The following IL1RAPL2 variants were observed in gnomAD, a reference collection of about 807,000 sequenced individuals.
IL1RAPL2 encodes the protein interleukin 1 receptor accessory protein like 2, also known as X-linked interleukin-1 receptor accessory protein-like 2.
A neutral mutation model predicts 44.1 loss-of-function variants in IL1RAPL2; 3 were observed. The observed-to-expected ratio is 0.07, with a 90% CI of 0.03 to 0.18. IL1RAPL2 has a LOEUF of 0.18. Among genes scored for constraint, IL1RAPL2 ranks in the 10% least tolerant of loss-of-function variants. The probability of loss-of-function intolerance (pLI) is 1.00; values close to 1 mark genes in which losing one functional copy is unlikely to be tolerated. For missense variants in IL1RAPL2, 391 were observed against 496.4 expected, an observed-to-expected ratio of 0.79 and a Z score of 2.02; for synonymous variants, 181 against 178.8, an observed-to-expected ratio of 1.01 and a Z score of -0.10.
intron 6 of IL1RAPL2, among the ~76,000 whole-genome samples, chrX:105,645,244 G>A (rs971056951): frequency 9.0e-6 from 1 of 111,223 alleles, no homozygotes; most frequent in African/African-American, 3.3e-5. Flanking sequence ...TGATTGTGTA[G>A]TTCAAGGCTG....
chrX:105,085,213 G>A (rs1276407493), intron 2 of IL1RAPL2, among the ~76,000 whole-genome samples: 1 of 111,958 alleles, frequency 8.9e-6, no homozygotes, highest in African/African-American at 3.2e-5. Flanking sequence ...TCTACACAGC[G>A]AAGGAAACAA....
chrX:105,235,762 T>C (rs1463912567), intron 4 of IL1RAPL2, among the ~76,000 whole-genome samples: 1 of 112,591 alleles, frequency 8.9e-6, no homozygotes, highest in Non-Finnish European at 1.9e-5. Context: ...TGCCATTCAT[T>C]GTAGCTAAAC....
At chrX:104,737,837 T>A (rs767996149) in intron 2 of IL1RAPL2, among the ~76,000 whole-genome samples, 24 of 112,124 alleles carry the variant, frequency 2.1e-4, no homozygotes, top group Admixed American at 2.0e-3. Flanking sequence ...TCTACAGCTA[T>A]CATTGCTCAT....
At chrX:105,268,867 T>C (rs1162265682) in intron 5 of IL1RAPL2, among the ~76,000 whole-genome samples, 1 of 111,043 alleles carries the variant, frequency 9.0e-6, no homozygotes, top group Non-Finnish European at 1.9e-5. Context: ...GAGATTGATA[T>C]GCTAATTTGT....
intron 2 of IL1RAPL2, among the ~76,000 whole-genome samples, chrX:104,700,920 A>G (rs1365188178): frequency 8.9e-6 from 1 of 111,981 alleles, no homozygotes; most frequent in South Asian, 3.8e-4. Flanking sequence ...AATAAGCCAA[A>G]TATCACCAAT....
intron 5 of IL1RAPL2, among the ~76,000 whole-genome samples, chrX:105,418,639 G>A (rs1168778029): frequency 9.0e-6 from 1 of 111,679 alleles, no homozygotes; most frequent in Non-Finnish European, 1.9e-5. Context: ...CACAGAATTA[G>A]AAGGCAGTAA....
intron 1 of IL1RAPL2, among the ~76,000 whole-genome samples, chrX:104,637,773 T>G (rs1035029048): frequency 5.4e-5 from 4 of 74,235 alleles, no homozygotes; most frequent in African/African-American, 2.8e-4. Flanking sequence ...CTGTAGTTTT[T>G]GTGTATGTGT....
At chrX:105,062,155 G>A (rs2032082609) in intron 2 of IL1RAPL2, among the ~76,000 whole-genome samples, 1 of 110,648 alleles carries the variant, frequency 9.0e-6, no homozygotes. Flanking sequence ...TTCTTTGGCA[G>A]CGTGATTTAA....
chrX:105,011,956 G>A (rs2031055820), intron 2 of IL1RAPL2, among the ~76,000 whole-genome samples: 1 of 111,134 alleles, frequency 9.0e-6, no homozygotes, highest in Non-Finnish European at 1.9e-5. Context: ...CCTTAAAGGA[G>A]CATTCCTCAA....
At chrX:104,986,424 A>C (rs1236280003) in intron 2 of IL1RAPL2, among the ~76,000 whole-genome samples, 1 of 112,542 alleles carries the variant, frequency 8.9e-6, no homozygotes, top group South Asian at 3.6e-4. Flanking sequence ...AGTAATTGAT[A>C]GCTTGATTAA....
chrX:105,593,952 T>C (rs887981122), intron 6 of IL1RAPL2, among the ~76,000 whole-genome samples: 1 of 112,176 alleles, frequency 8.9e-6, no homozygotes, highest in Non-Finnish European at 1.9e-5. Flanking sequence ...TCTACCTTAA[T>C]TGTACTATGG....
chrX:105,584,402 G>A (rs956283465), intron 6 of IL1RAPL2, among the ~76,000 whole-genome samples: 76 of 111,355 alleles, frequency 6.8e-4, no homozygotes, highest in African/African-American at 2.3e-3. Flanking sequence ...TATTTTGTGT[G>A]ATACTAATAT....
At chrX:105,396,641 A>G (rs2035565220) in intron 5 of IL1RAPL2, among the ~76,000 whole-genome samples, 1 of 106,787 alleles carries the variant, frequency 9.4e-6, no homozygotes, top group Admixed American at 1.0e-4. Flanking sequence ...TCAGGGTGAG[A>G]AGAGAACCAA....
intron 6 of IL1RAPL2, among the ~76,000 whole-genome samples, chrX:105,622,016 C>T (rs1168001553): frequency 9.1e-6 from 1 of 109,951 alleles, no homozygotes; most frequent in African/African-American, 3.3e-5. Context: ...GTGGCACTTA[C>T]TCCTCTTCTG....
intron 1 of IL1RAPL2, among the ~76,000 whole-genome samples, chrX:104,584,554 TAAGAA>T (rs1342358061): frequency 5.4e-5 from 6 of 110,660 alleles, no homozygotes; most frequent in Admixed American, 9.6e-5. Flanking sequence ...GTATAAGGCT[TAAGAA>T]AAGAATACCA....
chrX:105,508,453 T>A (rs2036446349), intron 6 of IL1RAPL2, among the ~76,000 whole-genome samples: 2 of 111,071 alleles, frequency 1.8e-5, no homozygotes, highest in African/African-American at 6.5e-5. Context: ...TCCCTTTTTA[T>A]CAAATCAATA....
chrX:104,804,790 T>C (rs1279350604), intron 2 of IL1RAPL2, among the ~76,000 whole-genome samples: 1 of 112,658 alleles, frequency 8.9e-6, no homozygotes. Flanking sequence ...TAAGACCTTG[T>C]GCAAAGCACT....
intron 5 of IL1RAPL2, among the ~76,000 whole-genome samples, chrX:105,321,529 C>T (rs372057372): frequency 3.6e-5 from 4 of 112,130 alleles, no homozygotes; most frequent in South Asian, 7.4e-4. Context: ...AAGCACAGGG[C>T]CCTTTTACAT....
intron 2 of IL1RAPL2, among the ~76,000 whole-genome samples, chrX:104,951,447 TAAAGTA>T (rs968977589): frequency 7.9e-4 from 89 of 112,592 alleles, no homozygotes; most frequent in South Asian, 2.2e-3. Flanking sequence ...ACAACTCACT[TAAAGTA>T]AATGTAAAAT....
Sources: allele counts gnomAD v4.1 joint callset (sites outside exome capture counted in the v4.1 genomes callset), GRCh38; gene constraint gnomAD v4.1.1; transcripts MANE v1.5; gene names NCBI Gene and HGNC (gene_info 2026-07-23, HGNC 2026-07-21).